The following LEF1 variants were observed in gnomAD, a reference collection of about 807,000 sequenced individuals.
LEF1 encodes lymphoid enhancer binding factor 1.
In LEF1, 14 loss-of-function variants were observed where a neutral mutation model predicts 51.2. The observed-to-expected ratio is 0.27, with a 90% CI of 0.18 to 0.43. LEF1 has a LOEUF of 0.43. Among genes scored for constraint, LEF1 ranks in the 20% least tolerant of loss-of-function variants. The pLI, the probability that LEF1 is intolerant of heterozygous loss-of-function variation, is 1.00. For missense variants in LEF1, 386 were observed against 512.0 expected (o/e 0.75, Z 2.37); for synonymous variants, 185 against 183.2 (o/e 1.01, Z -0.08).
Position 108,047,574 on chromosome 4 carries a change from C to CAA in LEF1, c.*1182_*1183dup, listed in dbSNP as rs953665291. 6 of 152,270 alleles carry CAA rather than the reference C, an allele frequency of 3.9e-5. No individual in the cohort carries two copies. The highest frequency in any genetic ancestry group is 1.4e-4 in the African/African-American group (6 of 41,448). 9.4% of individuals were successfully genotyped at this position (152,270 alleles called of 1,614,324 possible). On this transcript the variant is annotated 3_prime_UTR_variant, in exon 12 of 12. Coordinates refer to ENST00000265165, the MANE Select transcript of LEF1 (RefSeq NM_016269.5). ...GACAATTTTTAAAAATGTTTTATTA[C>CAA]AAAGCTTCTTTTAAAAAAATGCTCA... is the stretch of plus-strand genomic sequence containing the variant.
In LEF1 at chr4:108,168,355, C is replaced by G. The variant is rs1745549105; in HGVS notation, c.-588G>C. On this transcript the variant is annotated 5_prime_UTR_variant, in exon 1 of 12. Coordinates refer to ENST00000265165, the MANE Select transcript of LEF1 (RefSeq NM_016269.5). The surrounding 1 kb of genome is among the most constrained non-coding windows in gnomAD (Gnocchi z 4.6). ...CAGAAGATAACGAAACGTCCACTTC[C>G]TGAAGGGTGGGAAAAAAAGAAAAAG... The G allele has an allele frequency of 6.6e-6, 1 of 152,300 alleles. No homozygotes were observed. Among genetic ancestry groups the G allele is most frequent in the Non-Finnish European group, 1.5e-5 (1 of 68,130 alleles). 9.4% of individuals were successfully genotyped at this position (152,300 alleles called of 1,614,324 possible). A position where few individuals can be genotyped will look rare whatever the true frequency, so the allele number is the denominator to read the frequency against.
chr4:108,076,541 C>T (rs1322949596), intron 8 of LEF1, among the ~76,000 whole-genome samples: 1 of 152,066 alleles, frequency 6.6e-6, no homozygotes, highest in Non-Finnish European at 1.5e-5. Context: ...ACACACTCAG[C>T]TAATTTTTGT....
At position 108,167,460 on chromosome 4, in the gene LEF1, A is replaced by G. The variant is rs1325957783; in HGVS notation, c.213+95T>C. On this transcript the variant is annotated intron_variant, in intron 1 of 11. Coordinates refer to ENST00000265165, the MANE Select transcript of LEF1 (RefSeq NM_016269.5). This position sits in a 1 kb window ranked among gnomAD's most constrained non-coding sequence, Gnocchi z 5.7. Reference sequence around the variant, plus strand: ...AACGAGGGATCTACTCGGGACCCTCAGCCGGGCGGCCGGGCGCCTTCGTTC... The same window carrying G: ...AACGAGGGATCTACTCGGGACCCTCGGCCGGGCGGCCGGGCGCCTTCGTTC... 7.9e-7 allele frequency: 1 copy of G among 1,271,812 alleles called. No homozygotes were observed. The highest frequency in any genetic ancestry group is 1.5e-5 in the African/African-American group (1 of 67,828). The allele number at this position is 1,271,812 out of a possible 1,614,324, so 78.8% of individuals were successfully genotyped here.
chr4:108,139,380 A>G (rs1253538375), intron 3 of LEF1, among the ~76,000 whole-genome samples: 1 of 152,272 alleles, frequency 6.6e-6, no homozygotes, highest in East Asian at 1.9e-4. Context: ...GTTTATATAT[A>G]GAACATGCAT....
intron 1 of LEF1, chr4:108,166,349 C>G (rs1745392643): frequency 2.0e-6 from 3 of 1,512,352 alleles, no homozygotes; most frequent in Non-Finnish European, 2.6e-6. Context: ...TCCCCGCCCT[C>G]AAAACCACAC....
intron 4 of LEF1, among the ~76,000 whole-genome samples, chr4:108,084,293 A>AG (rs1739502564): frequency 1.3e-5 from 2 of 152,390 alleles, no homozygotes; most frequent in East Asian, 3.9e-4. Flanking sequence ...GATTCAGAAT[A>AG]GAAAAAAAGC....
At chr4:108,107,665 C>A (rs1741259240) in intron 3 of LEF1, among the ~76,000 whole-genome samples, 3 of 152,046 alleles carry the variant, frequency 2.0e-5, no homozygotes, top group Admixed American at 1.3e-4. Flanking sequence ...AAGGAAGTAA[C>A]TATCATCTTT....
intron 11 of LEF1, among the ~76,000 whole-genome samples, chr4:108,062,278 C>T (rs1275503475): frequency 6.6e-6 from 1 of 152,202 alleles, no homozygotes; most frequent in Non-Finnish European, 1.5e-5. Flanking sequence ...TAAGGGCCAC[C>T]TGGTTTAGTC....
At chr4:108,142,883 C>T (rs147226623) in intron 3 of LEF1, among the ~76,000 whole-genome samples, 1 of 152,336 alleles carries the variant, frequency 6.6e-6, no homozygotes, top group East Asian at 1.9e-4. Context: ...TAAAATGCAT[C>T]TCGTTTAACA....
chr4:108,049,040 G>T (rs1011882719), intron 11 of LEF1, among the ~76,000 whole-genome samples: 1 of 152,160 alleles, frequency 6.6e-6, no homozygotes, highest in African/African-American at 2.4e-5. Flanking sequence ...CAAAAAAAAA[G>T]TTTGAAAAAC....
intron 3 of LEF1, among the ~76,000 whole-genome samples, chr4:108,161,087 A>G (rs1745025643): frequency 6.6e-6 from 1 of 152,344 alleles, no homozygotes; most frequent in South Asian, 2.1e-4. Flanking sequence ...TGTTAGTGAC[A>G]CAAACACTCA....
chr4:108,161,885 A>G (rs1242876056), intron 3 of LEF1, among the ~76,000 whole-genome samples: 1 of 152,158 alleles, frequency 6.6e-6, no homozygotes, highest in Non-Finnish European at 1.5e-5. Flanking sequence ...TCTGAAAATG[A>G]TTTAACAGGA....
chr4:108,083,177 CAA>C (rs1739426923), intron 5 of LEF1, 177 bp downstream of exon 5: 1 of 608,682 alleles, frequency 1.6e-6, no homozygotes, highest in Non-Finnish European at 2.9e-6. Context: ...CAATCCATTT[CAA>C]AGTCTGTATG....
intron 3 of LEF1, among the ~76,000 whole-genome samples, chr4:108,109,662 A>G (rs1435374879): frequency 6.6e-6 from 1 of 152,262 alleles, no homozygotes; most frequent in African/African-American, 2.4e-5. Flanking sequence ...AATAGGCACT[A>G]GATATTACCA....
intron 3 of LEF1, among the ~76,000 whole-genome samples, chr4:108,131,200 C>T (rs1578379334): frequency 6.6e-6 from 1 of 151,892 alleles, no homozygotes; most frequent in East Asian, 2.0e-4. Flanking sequence ...TCTGGAAGGC[C>T]AAGGTAGGAG....
rs1226991385 is a variant in LEF1, at chr4:108,048,768, T to C, written c.*7-17A>G. On this transcript the variant is annotated splice_polypyrimidine_tract_variant and intron_variant, in intron 11 of 11. Coordinates refer to ENST00000265165, the MANE Select transcript of LEF1 (RefSeq NM_016269.5). ...GTTTTCCACCTCAAGAAGGAACAAA[T>C]GAAATGCTATTAATATGAATTTGCC... 6 of 1,581,958 alleles carry C rather than the reference T, an allele frequency of 3.8e-6. No individual in the cohort carries two copies. Among genetic ancestry groups the C allele is most frequent in the South Asian group, 3.5e-5 (3 of 86,556 alleles).
chr4:108,095,756 T>C (rs1160805281), intron 3 of LEF1, among the ~76,000 whole-genome samples: 4 of 152,134 alleles, frequency 2.6e-5, no homozygotes, highest in Non-Finnish European at 5.9e-5. Flanking sequence ...ATACCTAAGT[T>C]AGGTGTTAAG....
At chr4:108,081,169 G>C (rs1739273273) in intron 6 of LEF1, among the ~76,000 whole-genome samples, 1 of 152,072 alleles carries the variant, frequency 6.6e-6, no homozygotes, top group South Asian at 2.1e-4. Context: ...GCATCAAACT[G>C]ATACAACTTT....
At chr4:108,126,804 CAAAAAAAAAAA>C (rs11329450) in intron 3 of LEF1, among the ~76,000 whole-genome samples, 1 of 97,320 alleles carries the variant, frequency 1.0e-5, no homozygotes, top group African/African-American at 4.5e-5. Flanking sequence ...GACTTTCTCT[CAAAAAAAAAAA>C]AAAAAAAAAG....
Sources: allele counts gnomAD v4.1 joint callset (sites outside exome capture counted in the v4.1 genomes callset), GRCh38; gene constraint gnomAD v4.1.1; non-coding constraint Gnocchi (gnomAD v3.1); transcripts MANE v1.5; gene names NCBI Gene and HGNC (gene_info 2026-07-23, HGNC 2026-07-21).